Variants in TMEM94 observed in about 807,000 individuals in gnomAD.
TMEM94 encodes the protein ER Mg2+ ATPase.
TMEM94 carries 81 observed loss-of-function variants against 158.6 expected under a neutral mutation model. The ratio of observed to expected loss-of-function variants is 0.51; its 90% confidence interval spans 0.43 to 0.61. The LOEUF (loss-of-function observed/expected upper bound fraction) is 0.61. Among genes scored for constraint, TMEM94 ranks in the 20% least tolerant of loss-of-function variants. The pLI, the probability that TMEM94 is intolerant of heterozygous loss-of-function variation, is 0.00. For synonymous variants in TMEM94, 751 were observed against 730.7 expected (o/e 1.03, Z -0.45); for missense variants, 1,435 against 1,762.0 (o/e 0.81, Z 3.32).
chr17:75,499,153 A>G (rs1300935091), intron 31 of TMEM94, 71 bp downstream of exon 31: 16 of 1,581,580 alleles, frequency 1.0e-5, no homozygotes, highest in Non-Finnish European at 1.4e-5. Flanking sequence ...CCTTGGCGAC[A>G]CTCCCCCACC....
chr17:75,497,951 C>A, intron 27 of TMEM94, 89 bp downstream of exon 27: 1 of 1,307,796 alleles, frequency 7.6e-7, no homozygotes, highest in Non-Finnish European at 1.1e-6. Flanking sequence ...CTGGAAGGCT[C>A]TGGATGGGGG....
intron 10 of TMEM94, 137 bp from the exon 11 acceptor site, chr17:75,490,565 G>C (rs2052075410): frequency 1.1e-6 from 1 of 887,708 alleles, no homozygotes; most frequent in Non-Finnish European, 1.7e-6. Context: ...CCACCAGGTG[G>C]GGAGTCAGAA....
intron 1 of TMEM94, among the ~76,000 whole-genome samples, chr17:75,465,679 A>T (rs7405552): frequency 0.12 from 14,963 of 124,642 alleles, 1,465 homozygotes; most frequent in East Asian, 0.35. Flanking sequence ...ATATATATAT[A>T]TTTTTTTTTA....
In TMEM94 at chr17:75,500,342, C is replaced by G. The variant is rs2053153065; in HGVS notation, c.*1008C>G. 6.6e-6 allele frequency: 1 copy of G among 152,192 alleles called. No individual in the cohort carries two copies. Among genetic ancestry groups the G allele is most frequent in the Non-Finnish European group, 1.5e-5 (1 of 68,146 alleles). The allele number at this position is 152,192 out of a possible 1,614,324, so 9.4% of individuals were successfully genotyped here. ...GAGCCAGGGCCTGGGCCAATGGGGTCAGGCTCTCCCTGCCCTCAGGTGGGC... is the reference window on the plus strand; with the variant it reads ...GAGCCAGGGCCTGGGCCAATGGGGTGAGGCTCTCCCTGCCCTCAGGTGGGC... On this transcript the variant is annotated 3_prime_UTR_variant, in exon 32 of 32. Coordinates refer to ENST00000314256, the MANE Select transcript of TMEM94 (RefSeq NM_014738.6).
At chr17:75,466,173 C>T (rs562899807) in intron 1 of TMEM94, among the ~76,000 whole-genome samples, 1 of 152,254 alleles carries the variant, frequency 6.6e-6, no homozygotes, top group East Asian at 1.9e-4. Context: ...TCCACCCCTC[C>T]TGCATATTTT....
chr17:75,493,197 G>A, intron 16 of TMEM94, 95 bp downstream of exon 16: 1 of 1,335,184 alleles, frequency 7.5e-7, no homozygotes, highest in Non-Finnish European at 1.0e-6. Flanking sequence ...GGGAGGCCTG[G>A]GCAGATGAAA....
In TMEM94 at chr17:75,485,891, C is replaced by G. The variant is rs1455770301; in HGVS notation, c.165C>G (p.Phe55Leu). ...LTWKEVWRSS[F>L]LHHSNRCSCF... ...CCCAGGAGGTGTGGAGAAGCAGCTT[C>G]CTCCACCACAGTAACCGCTGCTCCT... Residue 55 changes from phenylalanine (F) to leucine (L), a missense_variant, in exon 4 of 32, where the codon TTC becomes TTG. Physicochemically the swap from Phe to Leu is conservative, Grantham distance 22. This residue lies in a region of TMEM94 where 1,051 missense variants were observed against 1,254.4 expected (regional missense o/e 0.84). Transcript: ENST00000314256. The surrounding 1 kb of genome is among the most constrained non-coding windows in gnomAD (Gnocchi z 5.5). 1.2e-6 allele frequency: 2 copies of G among 1,612,828 alleles called. No individual in the cohort carries two copies. Among genetic ancestry groups the G allele is most frequent in the Non-Finnish European group, 1.7e-6 (2 of 1,179,518 alleles).
chr17:75,497,307 C>A, intron 26 of TMEM94, 109 bp downstream of exon 26: 1 of 796,810 alleles, frequency 1.3e-6, no homozygotes. Context: ...GGTCTCACCT[C>A]CTCTGGTACA....
In TMEM94 at chr17:75,457,199, C is replaced by G. The variant is rs1019105069; in HGVS notation, c.-107+448C>G. 2.0e-4 allele frequency: 30 copies of G among 152,526 alleles called. No homozygotes were observed. In the Middle Eastern group the frequency reaches 0.01, roughly 52 times the overall value. 9.4% of individuals were successfully genotyped at this position (152,526 alleles called of 1,614,324 possible). The stretch of plus-strand genomic sequence containing the variant: ...CAGCCGCCCGGGGTCCTCGCGCGGC[C>G]GTCCCCAGCTGGATGGAGCCGGCCG... On this transcript the variant is annotated intron_variant, in intron 1 of 31. Coordinates refer to ENST00000314256, the MANE Select transcript of TMEM94 (RefSeq NM_014738.6).
intron 2 of TMEM94, among the ~76,000 whole-genome samples, chr17:75,480,779 C>G (rs759205602): frequency 9.2e-5 from 14 of 152,242 alleles, no homozygotes; most frequent in Non-Finnish European, 2.1e-4. Context: ...TCCTTCCTCT[C>G]TTTCTCCCTC....
At chr17:75,496,676 G>A in intron 24 of TMEM94, 54 bp from the exon 25 acceptor site, 1 of 1,566,390 alleles carries the variant, frequency 6.4e-7, no homozygotes, top group South Asian at 1.1e-5. Flanking sequence ...CAGCTGTTGG[G>A]CCTGGGAGAG....
chr17:75,493,409 TC>T (rs2052391071), intron 16 of TMEM94, 81 bp from the exon 17 acceptor site: 1 of 1,412,204 alleles, frequency 7.1e-7, no homozygotes, highest in Non-Finnish European at 1.0e-6. Flanking sequence ...AGCGCCCTTC[TC>T]CAGGAGGACA....
At position 75,498,791 on chromosome 17, in the gene TMEM94, C is replaced by T. The variant is rs1050002757; in HGVS notation, c.3827+69C>T. ...AGAGGGCCTTCTGCAGGGCTAGGAT[C>T]GGAGGGCGGGACCGGGGCCAGTGGT... On this transcript the variant is annotated intron_variant, in intron 30 of 31. Coordinates refer to ENST00000314256, the MANE Select transcript of TMEM94 (RefSeq NM_014738.6). The surrounding 1 kb of genome is among the most constrained non-coding windows in gnomAD (Gnocchi z 6.7). The T allele has an allele frequency of 5.9e-5, 90 of 1,527,242 alleles. No individual in the cohort carries two copies. Among genetic ancestry groups the T allele is most frequent in the East Asian group, 9.1e-5 (4 of 44,080 alleles). 94.6% of individuals were successfully genotyped at this position (1,527,242 alleles called of 1,614,324 possible). A position where few individuals can be genotyped will look rare whatever the true frequency, so the allele number is the denominator to read the frequency against.
intron 2 of TMEM94, among the ~76,000 whole-genome samples, chr17:75,478,098 C>G (rs1172376198): frequency 8.5e-6 from 1 of 117,656 alleles, no homozygotes; most frequent in Admixed American, 8.9e-5. Flanking sequence ...TCACTGCAAG[C>G]TCCGCCTCCC....
At chr17:75,458,852 T>C (rs2049974274) in intron 1 of TMEM94, among the ~76,000 whole-genome samples, 1 of 151,482 alleles carries the variant, frequency 6.6e-6, no homozygotes, top group Non-Finnish European at 1.5e-5. Flanking sequence ...GGTCAGGAGA[T>C]CAAGACCATC....
chr17:75,486,877 T>G (rs1225696143), intron 5 of TMEM94, among the ~76,000 whole-genome samples: 30 of 151,338 alleles, frequency 2.0e-4, no homozygotes, highest in Non-Finnish European at 4.4e-5. Context: ...GGGAGGGGAG[T>G]GGCTTGGATT....
chr17:75,498,751 T>C lies in TMEM94; in HGVS notation c.3827+29T>C, dbSNP rs2053000659. 2.6e-6 allele frequency: 4 copies of C among 1,537,328 alleles called. No homozygotes were observed. The highest frequency in any genetic ancestry group is 2.5e-5 in the South Asian group (2 of 78,672). ...AGTATTGCTAGGATGGAGGGCGGAG[T>C]GTGGGCTGGGGAGGAGAGGGCCTTC... On this transcript the variant is annotated intron_variant, in intron 30 of 31. Transcript: ENST00000314256. The surrounding 1 kb of genome is among the most constrained non-coding windows in gnomAD (Gnocchi z 6.7).
At chr17:75,461,352 G>C (rs948195800) in intron 1 of TMEM94, among the ~76,000 whole-genome samples, 1 of 151,654 alleles carries the variant, frequency 6.6e-6, no homozygotes, top group Non-Finnish European at 1.5e-5. Flanking sequence ...CGCCTGCTTC[G>C]GCCTCCCAAA....
rs747906468 is a variant in TMEM94, at chr17:75,498,420, T to C, written c.3639-24T>C. 6.2e-7 allele frequency: 1 copy of C among 1,600,382 alleles called. No individual in the cohort carries two copies. The highest frequency in any genetic ancestry group is 1.1e-5 in the South Asian group (1 of 89,482). The stretch of plus-strand genomic sequence containing the variant: ...TACCTCCCTGCGGCCCTAGAGGGGC[T>C]GAGCCCATGCCTCACTTTGGCAGCA... On this transcript the variant is annotated intron_variant, in intron 28 of 31. Transcript: ENST00000314256. The surrounding 1 kb of genome is among the most constrained non-coding windows in gnomAD (Gnocchi z 6.7).
Sources: gnomAD v4.1 joint callset for allele counts (sites outside exome capture counted in the v4.1 genomes callset) on GRCh38, gnomAD v4.1.1 for gene constraint, gnomAD v4.1.1 regional missense constraint, Gnocchi (gnomAD v3.1) non-coding constraint, MANE v1.5 for transcripts, NCBI Gene and HGNC (gene_info 2026-07-23, HGNC 2026-07-21) for gene names.